The following PTPN4 variants were observed in gnomAD, a reference collection of about 807,000 sequenced individuals.
The protein encoded by PTPN4 is protein tyrosine phosphatase non-receptor type 4, also known as tyrosine-protein phosphatase non-receptor type 4.
A neutral mutation model predicts 135.5 loss-of-function variants in PTPN4; 49 were observed. The observed-to-expected ratio is 0.36, with a 90% confidence interval of 0.29 to 0.46. The LOEUF (loss-of-function observed/expected upper bound fraction) is 0.46, where lower values mean the gene tolerates loss of function less well. Among genes scored for constraint, PTPN4 ranks in the 20% least tolerant of loss-of-function variants. The pLI, the probability that PTPN4 is intolerant of heterozygous loss-of-function variation, is 1.00. For missense variants in PTPN4, 860 were observed against 1,101.0 expected, an observed-to-expected ratio of 0.78 and a Z score of 3.10; for synonymous variants, 333 against 369.9, an observed-to-expected ratio of 0.90 and a Z score of 1.14.
intron 2 of PTPN4, among the ~76,000 whole-genome samples, chr2:119,820,844 A>G (rs1446347964): frequency 6.7e-6 from 1 of 148,896 alleles, no homozygotes; most frequent in East Asian, 2.0e-4. Flanking sequence ...ATATATATGT[A>G]TACTTTACAT....
chr2:119,962,785 C>A, intron 24 of PTPN4, 41 bp downstream of exon 24: 2 of 1,421,130 alleles, frequency 1.4e-6, no homozygotes, highest in South Asian at 3.1e-5. Context: ...CTGTTGTGTT[C>A]AGGGTAAAGA....
At position 119,973,655 on chromosome 2, in the gene PTPN4, G is replaced by GTTTTTTTTTTT. The variant is rs70949378; in HGVS notation, c.2695-3312_2695-3302dup. Among the ~76,000 whole-genome samples the GTTTTTTTTTTT allele has an allele frequency of 1.2e-3, 47 of 38,384 alleles. 11 individuals carry two copies. The highest frequency in any genetic ancestry group is 4.3e-3 in the African/African-American group (34 of 7,950). 25.2% of individuals were successfully genotyped at this position (38,384 alleles called of 152,430 possible). A position where few individuals can be genotyped will look rare whatever the true frequency, so the allele number is the denominator to read the frequency against. ...TTGAAAGCTTCCTCCTTCATTTCTT[G>GTTTTTTTTTTT]TTTTTTTTTTTTTTTTTTTTTTTTT... is the stretch of plus-strand genomic sequence containing the variant. On this transcript the variant is annotated intron_variant, in intron 26 of 26. Transcript: ENST00000263708.
Position 119,981,873 on chromosome 2 carries a change from T to G in PTPN4, c.*4803T>G, listed in dbSNP as rs950581831. The G allele has an allele frequency of 6.6e-6, 1 of 152,192 alleles. No individual in the cohort carries two copies. Among genetic ancestry groups the G allele is most frequent in the Non-Finnish European group, 1.5e-5 (1 of 68,010 alleles). The allele number at this position is 152,192 out of a possible 1,614,324, so 9.4% of individuals were successfully genotyped here. ...GCATATAAATTTGCTGCTATTTATT[T>G]GTATGTTTTTCTACTGTAGTATGCT... On this transcript the variant is annotated 3_prime_UTR_variant, in exon 27 of 27. Transcript: ENST00000263708.
At chr2:119,760,550 CAAA>C (rs767413568) in intron 1 of PTPN4, among the ~76,000 whole-genome samples, 166 bp downstream of exon 1, 45 of 151,666 alleles carry the variant, frequency 3.0e-4, no homozygotes, top group African/African-American at 1.0e-3. Flanking sequence ...AACAAACAAA[CAAA>C]AAAACGCTTT....
chr2:119,965,433 A>AT, intron 24 of PTPN4, 64 bp from the exon 25 acceptor site: 1 of 1,430,120 alleles, frequency 7.0e-7, no homozygotes, highest in Non-Finnish European at 9.5e-7. Flanking sequence ...GAATTTTATG[A>AT]GGTTTGTAGG....
chr2:119,915,232 G>A lies in PTPN4; in HGVS notation c.818G>A (p.Arg273Lys), dbSNP rs773116894. The change falls in exon 11 of 27, where the codon AGA (arginine) becomes AAA (lysine). Residue 273 changes from arginine (R) to lysine (K), a missense_variant. This residue lies in a region of PTPN4 where 684 missense variants were observed against 807.0 expected (regional missense o/e 0.85). Coordinates refer to ENST00000263708, the MANE Select transcript of PTPN4 (RefSeq NM_002830.4). ...TGCAAACAGTTTTTTATTCAACTTA[G>A]AAAAGAATTGGTGAGTACGGATTTA... ...FKCKQFFIQL[R>K]KELHESRETL... The A allele has an allele frequency of 9.7e-6, 15 of 1,538,728 alleles. No homozygotes were observed. In the East Asian group the frequency reaches 3.7e-4, roughly 38 times the overall value.
chr2:119,837,137 G>A (rs1399426246), intron 2 of PTPN4, among the ~76,000 whole-genome samples: 1 of 152,140 alleles, frequency 6.6e-6, no homozygotes, highest in Non-Finnish European at 1.5e-5. Flanking sequence ...TGCTTTTTCT[G>A]GGCCCACGCA....
rs1419808499 is a variant in PTPN4 at position 119,934,937 on chromosome 2, G to A, written c.1334G>A (p.Ser445Asn). Residue 445 changes from serine to asparagine, a missense_variant, in exon 15 of 27, where the codon AGC becomes AAC. By Grantham distance (46) the Ser-to-Asn change is conservative. Transcript: ENST00000263708. ...TCTCCGTCATCAACACAAGCTAATAGCATTGTTCTGGAATCATCACCGTAA... is the reference window on the plus strand; with the variant it reads ...TCTCCGTCATCAACACAAGCTAATAACATTGTTCTGGAATCATCACCGTAA... ...QRSPSSTQAN[S>N]IVLESSPSQE... The A allele has an allele frequency of 1.2e-6, 2 of 1,613,596 alleles. No individual in the cohort carries two copies. Among genetic ancestry groups the A allele is most frequent in the African/African-American group, 1.3e-5 (1 of 74,898 alleles).
At chr2:119,843,578 G>A (rs1257744585) in intron 2 of PTPN4, among the ~76,000 whole-genome samples, 1 of 104,956 alleles carries the variant, frequency 9.5e-6, no homozygotes, top group Admixed American at 8.7e-5. Flanking sequence ...GGGCAGAGGC[G>A]CCCCTCACCT....
chr2:119,778,007 CT>C (rs879772153), intron 1 of PTPN4, among the ~76,000 whole-genome samples: 274 of 145,088 alleles, frequency 1.9e-3, no homozygotes, highest in East Asian at 3.0e-3. Context: ...GACCGGCATT[CT>C]TTTTTTTTTT....
At chr2:119,844,336 G>A (rs1432392224) in intron 2 of PTPN4, among the ~76,000 whole-genome samples, 2 of 72,460 alleles carry the variant, frequency 2.8e-5, no homozygotes, top group East Asian at 3.6e-4. Flanking sequence ...GCGGCTGGCC[G>A]GGCGGGGGGC....
At chr2:119,934,663 C>A in intron 14 of PTPN4, 137 bp from the exon 15 acceptor site, 1 of 816,100 alleles carries the variant, frequency 1.2e-6, no homozygotes, top group Non-Finnish European at 1.9e-6. Context: ...ATCACACTGT[C>A]TTTTTCAGAG....
At chr2:119,774,849 A>G (rs1445545292) in intron 1 of PTPN4, among the ~76,000 whole-genome samples, 1 of 151,764 alleles carries the variant, frequency 6.6e-6, no homozygotes, top group South Asian at 2.1e-4. Context: ...ACAAGGTGAA[A>G]CCCCGTCTAC....
intron 1 of PTPN4, among the ~76,000 whole-genome samples, chr2:119,784,959 TGAG>T (rs3055876): frequency 0.97 from 148,090 of 152,058 alleles, 72,233 homozygotes; most frequent in East Asian, 1. Flanking sequence ...TTTATGATAC[TGAG>T]GAGGAAAAGA....
Position 119,977,187 on chromosome 2 carries a change from A to T in PTPN4, c.*117A>T. 2 of 1,379,660 alleles carry T rather than the reference A, an allele frequency of 1.4e-6. No homozygotes were observed. The highest frequency in any genetic ancestry group is 5.5e-5 in the East Asian group (2 of 36,134). The allele number at this position is 1,379,660 out of a possible 1,614,324, so 85.5% of individuals were successfully genotyped here. A position where few individuals can be genotyped will look rare whatever the true frequency, so the allele number is the denominator to read the frequency against. ...AAAAAAAAAATGAAGAACTCAAAAAAACTTTGAAAACTTCAGCACTGTTGC... is the reference window on the plus strand; with the variant it reads ...AAAAAAAAAATGAAGAACTCAAAAATACTTTGAAAACTTCAGCACTGTTGC... On this transcript the variant is annotated 3_prime_UTR_variant, in exon 27 of 27. Coordinates refer to ENST00000263708, the MANE Select transcript of PTPN4 (RefSeq NM_002830.4).
At chr2:119,888,879 G>GT (rs1298689063) in intron 9 of PTPN4, among the ~76,000 whole-genome samples, 4 of 151,778 alleles carry the variant, frequency 2.6e-5, no homozygotes, top group South Asian at 2.1e-4. Context: ...CTCCTCTTCA[G>GT]TTTTTTTTGG....
At chr2:119,791,779 T>A (rs1691152560) in intron 1 of PTPN4, among the ~76,000 whole-genome samples, 1 of 152,214 alleles carries the variant, frequency 6.6e-6, no homozygotes, top group Non-Finnish European at 1.5e-5. Flanking sequence ...TTTGAGTTTA[T>A]CCTAATTGGA....
intron 1 of PTPN4, among the ~76,000 whole-genome samples, chr2:119,804,019 A>G (rs1260670590): frequency 6.6e-6 from 1 of 150,920 alleles, no homozygotes; most frequent in East Asian, 2.0e-4. Context: ...TGTACTTTCT[A>G]CCTGCCTGTA....
At chr2:119,847,515 C>T (rs888214182) in intron 2 of PTPN4, among the ~76,000 whole-genome samples, 25 of 151,772 alleles carry the variant, frequency 1.6e-4, no homozygotes, top group Admixed American at 4.6e-4. Context: ...TTAGTAGAAA[C>T]GGTATTTCTC....
Sources: allele counts gnomAD v4.1 joint callset (sites outside exome capture counted in the v4.1 genomes callset), GRCh38; gene constraint gnomAD v4.1.1; regional missense constraint gnomAD v4.1.1; transcripts MANE v1.5; gene names NCBI Gene and HGNC (gene_info 2026-07-23, HGNC 2026-07-21).